The following MRPL20 variants were observed in gnomAD, a reference collection of about 807,000 sequenced individuals.
The protein encoded by MRPL20 is large ribosomal subunit protein bL20m.
Under a neutral mutation model 20.0 loss-of-function variants are expected in MRPL20, and 21 were observed. The observed-to-expected ratio is 1.05, with a 90% CI of 0.74 to 1.51. MRPL20 has a LOEUF of 1.51. Ranked by LOEUF, MRPL20 falls within the 40% of genes most tolerant of loss-of-function variation. The probability of loss-of-function intolerance (pLI) is 0.00; values close to 1 mark genes in which losing one functional copy is unlikely to be tolerated. For missense variants in MRPL20, 252 were observed against 185.6 expected (o/e 1.36, Z -2.08); for synonymous variants, 104 against 73.0 (o/e 1.43, Z -2.17).
intron 3 of MRPL20, 182 bp from the exon 4 acceptor site, chr1:1,402,438 T>C (rs967959375): frequency 3.4e-5 from 47 of 1,376,420 alleles, no homozygotes; most frequent in Non-Finnish European, 4.2e-5. Flanking sequence ...GAAGGATAAA[T>C]GTGGACACGG....
At chr1:1,405,472 C>T in intron 3 of MRPL20, 1 of 598,576 alleles carries the variant, frequency 1.7e-6, no homozygotes, top group South Asian at 2.0e-5. Context: ...AGAGTGGTCT[C>T]ACTATGTTGC....
intron 2 of MRPL20, 71 bp from the exon 3 acceptor site, chr1:1,405,957 G>T: frequency 6.5e-7 from 1 of 1,544,382 alleles, no homozygotes; most frequent in Non-Finnish European, 8.7e-7. Flanking sequence ...GCCTCTAATT[G>T]ATCTAAAGAA....
In MRPL20 at chr1:1,401,988, T is replaced by C; in HGVS notation, c.*95A>G. ...TGTCCCAGAGAGACAGGGCCATCCCTCATGTCTGTTATTGGGTTGTAGATA... is the reference window on the plus strand; with the variant it reads ...TGTCCCAGAGAGACAGGGCCATCCCCCATGTCTGTTATTGGGTTGTAGATA... On this transcript the variant is annotated 3_prime_UTR_variant, in exon 4 of 4. Coordinates refer to ENST00000344843, the MANE Select transcript of MRPL20 (RefSeq NM_017971.4). The C allele has an allele frequency of 7.2e-7, 1 of 1,381,930 alleles. No homozygotes were observed. The highest frequency in any genetic ancestry group is 9.9e-7 in the Non-Finnish European group (1 of 1,010,570). The allele number at this position is 1,381,930 out of a possible 1,614,324, so 85.6% of individuals were successfully genotyped here.
intron 3 of MRPL20, among the ~76,000 whole-genome samples, chr1:1,403,056 G>A (rs1645347757): frequency 6.6e-6 from 1 of 150,776 alleles, no homozygotes; most frequent in African/African-American, 2.5e-5. Context: ...GTGAACCCGG[G>A]AATTGGAGCT....
rs1370348699 is a variant in MRPL20 at position 1,406,987 on chromosome 1, C to T, written c.120G>A (p.Arg40=). 6.2e-7 allele frequency: 1 copy of T among 1,613,842 alleles called. No individual in the cohort carries two copies. The highest frequency in any genetic ancestry group is 8.5e-7 in the Non-Finnish European group (1 of 1,179,768). Residue 40 remains arginine, a synonymous_variant, in exon 2 of 4, where the codon AGG becomes AGA. Coordinates refer to ENST00000344843, the MANE Select transcript of MRPL20 (RefSeq NM_017971.4). ...CTCGAATCACGGTTCTGACCGCCAACCTGTAGCAGCGATTTTTCCTTCCCC... is the reference window on the plus strand; with the variant it reads ...CTCGAATCACGGTTCTGACCGCCAATCTGTAGCAGCGATTTTTCCTTCCCC... The part of the protein sequence containing the change: ...HFRGRKNRCY[R]LAVRTVIRAF...
rs988032681 is a variant in MRPL20, at chr1:1,402,051, G to A, written c.*32C>T. On this transcript the variant is annotated 3_prime_UTR_variant, in exon 4 of 4. Coordinates refer to ENST00000344843, the MANE Select transcript of MRPL20 (RefSeq NM_017971.4). ...AATCAAACAAACTGCAAATTACTCT[G>A]TCTCTTTTCCTAATCAATACAGCAA... The A allele has an allele frequency of 6.3e-7, 1 of 1,582,788 alleles. No homozygotes were observed. Among genetic ancestry groups the A allele is most frequent in the African/African-American group, 1.4e-5 (1 of 73,404 alleles).
intron 3 of MRPL20, among the ~76,000 whole-genome samples, chr1:1,404,004 T>G (rs1645359287): frequency 6.7e-6 from 1 of 149,514 alleles, no homozygotes; most frequent in Non-Finnish European, 1.5e-5. Context: ...CACGCCTGGC[T>G]CATTTTGTAT....
chr1:1,404,821 A>T (rs1410022023), intron 3 of MRPL20, among the ~76,000 whole-genome samples: 1 of 152,092 alleles, frequency 6.6e-6, no homozygotes, highest in Non-Finnish European at 1.5e-5. Context: ...CATCCCAGAA[A>T]GACGTGCCCT....
At position 1,405,800 on chromosome 1, in the gene MRPL20, C is replaced by T; in HGVS notation, c.276+9G>A. 1 of 1,614,090 alleles carries T rather than the reference C, an allele frequency of 6.2e-7. No homozygotes were observed. Among genetic ancestry groups the T allele is most frequent in the Non-Finnish European group, 8.5e-7 (1 of 1,179,958 alleles). ...AGAATTTCAGTGGGACCCACATACT[C>T]ACCCATACCTTAACTAAATTCCCAA... On this transcript the variant is annotated intron_variant, in intron 3 of 3. Coordinates refer to ENST00000344843, the MANE Select transcript of MRPL20 (RefSeq NM_017971.4).
chr1:1,402,380 G>A, intron 3 of MRPL20, 124 bp from the exon 4 acceptor site: 1 of 1,424,728 alleles, frequency 7.0e-7, no homozygotes, highest in Non-Finnish European at 9.1e-7. Flanking sequence ...GAAGGCCTAG[G>A]AGAATCCTAT....
In MRPL20 at chr1:1,402,081, C is replaced by T. The variant is rs756573367; in HGVS notation, c.*2G>A. 9.9e-6 allele frequency: 16 copies of T among 1,610,150 alleles called. No individual in the cohort carries two copies. The highest frequency in any genetic ancestry group is 8.5e-5 in the Admixed American group (5 of 58,784). On this transcript the variant is annotated 3_prime_UTR_variant, in exon 4 of 4. Coordinates refer to ENST00000344843, the MANE Select transcript of MRPL20 (RefSeq NM_017971.4). Reference sequence around the variant, plus strand: ...TTTTCCTAATCAATACAGCAACAGTCCTCAGTGGTACTGCACCACTCTGGA... The same window carrying T: ...TTTTCCTAATCAATACAGCAACAGTTCTCAGTGGTACTGCACCACTCTGGA...
intron 3 of MRPL20, among the ~76,000 whole-genome samples, chr1:1,404,648 C>T (rs538457672): frequency 6.6e-6 from 1 of 151,082 alleles, no homozygotes; most frequent in South Asian, 2.1e-4. Flanking sequence ...CTACAGGTGC[C>T]GGCCACCATG....
chr1:1,406,777 C>G (rs1645388674), intron 2 of MRPL20, 132 bp downstream of exon 2: 1 of 777,674 alleles, frequency 1.3e-6, no homozygotes, highest in Admixed American at 2.0e-5. Context: ...CATAATTTGT[C>G]GGAGTTTCGA....
At chr1:1,404,380 T>G (rs1253855449) in intron 3 of MRPL20, among the ~76,000 whole-genome samples, 2 of 151,812 alleles carry the variant, frequency 1.3e-5, no homozygotes, top group Non-Finnish European at 2.9e-5. Flanking sequence ...GGTCTCGATC[T>G]CCTGACCTTG....
chr1:1,404,735 A>G (rs571151038), intron 3 of MRPL20, among the ~76,000 whole-genome samples: 1 of 152,070 alleles, frequency 6.6e-6, no homozygotes, highest in African/African-American at 2.4e-5. Context: ...TCCTGACCTC[A>G]TGATCTGTCC....
intron 3 of MRPL20, among the ~76,000 whole-genome samples, chr1:1,403,979 G>A (rs1645358996): frequency 6.9e-6 from 1 of 145,062 alleles, no homozygotes; most frequent in African/African-American, 2.6e-5. Flanking sequence ...GTAGCATACA[G>A]GCGCATGCCA....
chr1:1,405,983 A>G, intron 2 of MRPL20, 97 bp from the exon 3 acceptor site: 2 of 1,481,292 alleles, frequency 1.4e-6, no homozygotes, highest in Non-Finnish European at 1.8e-6. Context: ...TTCTAAAAGT[A>G]AATAGCAAAA....
At position 1,406,892 on chromosome 1, in the gene MRPL20, C is replaced by T; in HGVS notation, c.198+17G>A. On this transcript the variant is annotated intron_variant, in intron 2 of 3. Transcript: ENST00000344843. Reference sequence around the variant, plus strand: ...CGCGAGTGCGCTGGCCGGCGGGTGTCCCGGGTCCACGCTTACGGTCCTCAT... The same window carrying T: ...CGCGAGTGCGCTGGCCGGCGGGTGTTCCGGGTCCACGCTTACGGTCCTCAT... The T allele has an allele frequency of 1.2e-6, 2 of 1,601,504 alleles. No individual in the cohort carries two copies. The highest frequency in any genetic ancestry group is 1.7e-6 in the Non-Finnish European group (2 of 1,172,618).
chr1:1,402,451 G>A (rs1452711312), intron 3 of MRPL20, 195 bp from the exon 4 acceptor site: 4 of 1,361,130 alleles, frequency 2.9e-6, no homozygotes, highest in Non-Finnish European at 3.8e-6. Flanking sequence ...GGACACGGGT[G>A]AGGGAAGCAC....
Sources: gnomAD v4.1 joint callset for allele counts (sites outside exome capture counted in the v4.1 genomes callset) on GRCh38, gnomAD v4.1.1 for gene constraint, MANE v1.5 for transcripts, NCBI Gene and HGNC (gene_info 2026-07-23, HGNC 2026-07-21) for gene names.